The following EYA4 variants were observed in gnomAD, a reference collection of about 807,000 sequenced individuals.
EYA4 encodes the protein EYA transcriptional coactivator and phosphatase 4, also known as protein phosphatase EYA4.
A neutral mutation model predicts 87.9 loss-of-function variants in EYA4; 31 were observed. The ratio of observed to expected loss-of-function variants is 0.35; its 90% CI spans 0.27 to 0.48. EYA4 has a LOEUF of 0.48. EYA4 is among the 20% of genes least tolerant of loss of function. The pLI is 0.99. For missense variants in EYA4, 678 were observed against 761.4 expected (o/e 0.89, Z 1.29); for synonymous variants, 263 against 270.6 (o/e 0.97, Z 0.28).
intron 1 of EYA4, among the ~76,000 whole-genome samples, chr6:133,253,122 C>G (rs1486364148): frequency 2.0e-5 from 3 of 151,884 alleles, no homozygotes; most frequent in Admixed American, 6.6e-5. Flanking sequence ...GGAGAAGGAC[C>G]CTGCATAGCT....
At chr6:133,424,186 C>T (rs1790450048) in intron 3 of EYA4, among the ~76,000 whole-genome samples, 1 of 152,222 alleles carries the variant, frequency 6.6e-6, no homozygotes, top group Non-Finnish European at 1.5e-5. Flanking sequence ...GTCCTATGCC[C>T]TGCTCTGGCT....
intron 2 of EYA4, chr6:133,363,200 A>G (rs766429584): frequency 5.3e-5 from 8 of 152,160 alleles, no homozygotes; most frequent in Non-Finnish European, 8.8e-5. Context: ...TGACTGTACT[A>G]TGGATGTTTA....
At chr6:133,269,853 C>T (rs1318896260) in intron 1 of EYA4, among the ~76,000 whole-genome samples, 6 of 152,168 alleles carry the variant, frequency 3.9e-5, no homozygotes, top group African/African-American at 1.4e-4. Flanking sequence ...ACTTAACTTA[C>T]CCTTAACAAT....
At chr6:133,314,182 A>G (rs1012320972) in intron 2 of EYA4, among the ~76,000 whole-genome samples, 1 of 152,182 alleles carries the variant, frequency 6.6e-6, no homozygotes, top group African/African-American at 2.4e-5. Flanking sequence ...TCTGATACAG[A>G]TTAAATGAAA....
chr6:133,299,951 CTATCTATATATA>C (rs1388599184), intron 2 of EYA4, among the ~76,000 whole-genome samples: 6 of 130,950 alleles, frequency 4.6e-5, no homozygotes, highest in African/African-American at 1.9e-4. Context: ...ATCTATCTAT[CTATCTATATATA>C]TATATATCTT....
chr6:133,342,081 G>A (rs1782824495), intron 2 of EYA4, among the ~76,000 whole-genome samples: 1 of 151,898 alleles, frequency 6.6e-6, no homozygotes, highest in Non-Finnish European at 1.5e-5. Flanking sequence ...GGAATCATCA[G>A]GGCTTAAGGG....
intron 3 of EYA4, among the ~76,000 whole-genome samples, chr6:133,438,817 T>G (rs1007421335): frequency 6.6e-6 from 1 of 151,778 alleles, no homozygotes; most frequent in Non-Finnish European, 1.5e-5. Flanking sequence ...CCGAGGTGGG[T>G]GGATCACAAG....
At chr6:133,361,675 G>T (rs1433251040) in intron 2 of EYA4, among the ~76,000 whole-genome samples, 2 of 152,132 alleles carry the variant, frequency 1.3e-5, no homozygotes, top group African/African-American at 4.8e-5. Flanking sequence ...AGACCTCCTG[G>T]GCCAATTGAT....
chr6:133,417,708 G>A (rs566295121), intron 3 of EYA4, among the ~76,000 whole-genome samples: 5 of 150,792 alleles, frequency 3.3e-5, no homozygotes, highest in South Asian at 2.1e-4. Context: ...CAGTCAAAAC[G>A]TTATTTTCTC....
chr6:133,390,920 A>G lies in EYA4; in HGVS notation c.83+8479A>G, dbSNP rs1787210618. Among the ~76,000 whole-genome samples, 11 of 152,184 alleles carry G rather than the reference A, an allele frequency of 7.2e-5. No individual in the cohort carries two copies. The South Asian group carries it at 2.3e-3, about 32-fold the overall frequency. On this transcript the variant is annotated intron_variant, in intron 3 of 19. Coordinates refer to ENST00000355286, the MANE Select transcript of EYA4 (RefSeq NM_004100.5). ...GGGGGCTATAGCTGAATGTCAAAGA[A>G]TAGATAAATTTTGAAGAAATGAAGG...
intron 3 of EYA4, among the ~76,000 whole-genome samples, chr6:133,420,674 C>T (rs1790143695): frequency 6.6e-6 from 1 of 152,350 alleles, no homozygotes; most frequent in Non-Finnish European, 1.5e-5. Context: ...CCTTGACCAA[C>T]TTTAACACTT....
At chr6:133,290,069 T>C (rs781348472) in intron 2 of EYA4, among the ~76,000 whole-genome samples, 14 of 152,190 alleles carry the variant, frequency 9.2e-5, no homozygotes, top group Non-Finnish European at 1.5e-4. Flanking sequence ...CTAACACTTA[T>C]GTAATGCTCA....
intron 14 of EYA4, among the ~76,000 whole-genome samples, chr6:133,509,606 G>A (rs1798963517): frequency 6.6e-6 from 1 of 152,180 alleles, no homozygotes; most frequent in Admixed American, 6.5e-5. Flanking sequence ...AGAATCCTGT[G>A]TGTTTAAATA....
At chr6:133,268,292 G>A (rs1776390898) in intron 1 of EYA4, among the ~76,000 whole-genome samples, 1 of 151,996 alleles carries the variant, frequency 6.6e-6, no homozygotes, top group African/African-American at 2.4e-5. Flanking sequence ...TACTTTTGGG[G>A]CTGTTTTTCT....
At chr6:133,362,346 G>A (rs1784509448) in intron 2 of EYA4, among the ~76,000 whole-genome samples, 1 of 152,114 alleles carries the variant, frequency 6.6e-6, no homozygotes, top group Admixed American at 6.5e-5. Flanking sequence ...TAGTCTTTGG[G>A]CCGTTATTGT....
At chr6:133,370,790 A>C (rs907535587) in intron 2 of EYA4, among the ~76,000 whole-genome samples, 3 of 152,022 alleles carry the variant, frequency 2.0e-5, no homozygotes, top group Non-Finnish European at 2.9e-5. Context: ...TTTGAGATGT[A>C]GTCATCTTGA....
chr6:133,493,275 A>G (rs997518846), intron 13 of EYA4, among the ~76,000 whole-genome samples: 5 of 152,168 alleles, frequency 3.3e-5, no homozygotes, highest in African/African-American at 1.2e-4. Flanking sequence ...AGAATAGAGT[A>G]CCTAGAAACA....
intron 2 of EYA4, among the ~76,000 whole-genome samples, chr6:133,323,073 CGTGTGT>C (rs141727232): frequency 6.7e-6 from 1 of 149,276 alleles, no homozygotes; most frequent in Non-Finnish European, 1.5e-5. Flanking sequence ...GTATAAAATC[CGTGTGT>C]GTGTGTGTGT....
At chr6:133,499,455 G>C (rs2128745773) in intron 13 of EYA4, among the ~76,000 whole-genome samples, 1 of 152,182 alleles carries the variant, frequency 6.6e-6, no homozygotes, top group Non-Finnish European at 1.5e-5. Flanking sequence ...CATTTATTCT[G>C]TTATTAGTTT....
Sources: gnomAD v4.1 joint callset for allele counts (sites outside exome capture counted in the v4.1 genomes callset) on GRCh38, gnomAD v4.1.1 for gene constraint, MANE v1.5 for transcripts, NCBI Gene and HGNC (gene_info 2026-07-23, HGNC 2026-07-21) for gene names.